Variants in FMNL2 observed in about 807,000 individuals in gnomAD.
FMNL2 encodes formin-like protein 2.
In FMNL2, 51 loss-of-function variants were observed where a neutral mutation model predicts 130.2. The ratio of observed to expected loss-of-function variants is 0.39; its 90% confidence interval spans 0.31 to 0.49. The LOEUF is 0.49. FMNL2 is among the 20% of genes least tolerant of loss of function. FMNL2 has a pLI of 0.85. For synonymous variants in FMNL2, 465 were observed against 467.1 expected, an observed-to-expected ratio of 1.00 and a Z score of 0.06; for missense variants, 977 against 1,316.2, an observed-to-expected ratio of 0.74 and a Z score of 3.99.
intron 1 of FMNL2, among the ~76,000 whole-genome samples, chr2:152,337,704 G>A (rs1681557536): frequency 6.6e-6 from 1 of 152,132 alleles, no homozygotes. Flanking sequence ...TTGGGGCAGG[G>A]TTGTTGTGGC....
At chr2:152,417,608 G>A (rs1434291442) in intron 1 of FMNL2, among the ~76,000 whole-genome samples, 1 of 152,104 alleles carries the variant, frequency 6.6e-6, no homozygotes, top group Non-Finnish European at 1.5e-5. Flanking sequence ...GGCTTTCGAG[G>A]CAAAAGATCA....
At chr2:152,608,635 A>G (rs1325062680) in intron 10 of FMNL2, among the ~76,000 whole-genome samples, 1 of 151,558 alleles carries the variant, frequency 6.6e-6, no homozygotes, top group Non-Finnish European at 1.5e-5. Context: ...ACTGACTTTT[A>G]AAATCTTGTT....
rs1312660616 is a variant in FMNL2, at chr2:152,616,139, G to C, written c.1213-952G>C. ...TGTAATGAATTTAAAGGAGATGTTAGAAATCAGAAGTTGCTCAGTGTTAGA... is the reference window on the plus strand; with the variant it reads ...TGTAATGAATTTAAAGGAGATGTTACAAATCAGAAGTTGCTCAGTGTTAGA... On this transcript the variant is annotated intron_variant, in intron 12 of 25. Transcript: ENST00000288670. Among the ~76,000 whole-genome samples the C allele has an allele frequency of 2.6e-5, 4 of 151,980 alleles. No individual in the cohort carries two copies. The East Asian group carries it at 7.7e-4, about 29-fold the overall frequency.
chr2:152,548,973 T>A (rs1249500356), intron 3 of FMNL2, 48 bp from the exon 4 acceptor site: 4 of 1,392,480 alleles, frequency 2.9e-6, no homozygotes, highest in Non-Finnish European at 3.0e-6. Context: ...GCTTCAGTTA[T>A]AGCAGTTGCT....
intron 1 of FMNL2, among the ~76,000 whole-genome samples, chr2:152,393,971 A>C (rs892504097): frequency 6.6e-6 from 1 of 152,196 alleles, no homozygotes; most frequent in Non-Finnish European, 1.5e-5. Flanking sequence ...AAATGTAAAA[A>C]CCATTCTTAG....
chr2:152,629,735 T>A lies in FMNL2; in HGVS notation c.2469+11T>A. 1 of 1,601,104 alleles carries A rather than the reference T, an allele frequency of 6.2e-7. No individual in the cohort carries two copies. Among genetic ancestry groups the A allele is most frequent in the East Asian group, 2.2e-5 (1 of 44,562 alleles). ...AAGAAAATTCTGGAGGCAAGTGCAG[T>A]TTTTCTTGTAGGTATGAAGGACTAC... On this transcript the variant is annotated intron_variant, in intron 19 of 25. Coordinates refer to ENST00000288670, the MANE Select transcript of FMNL2 (RefSeq NM_052905.4).
intron 15 of FMNL2, chr2:152,621,216 C>T (rs1483120538): frequency 4.5e-5 from 39 of 859,864 alleles, no homozygotes; most frequent in Non-Finnish European, 5.2e-5. Context: ...TCATTTGGGG[C>T]TGCTTCCTTT....
intron 1 of FMNL2, among the ~76,000 whole-genome samples, chr2:152,454,834 A>G (rs531559687): frequency 5.3e-5 from 8 of 152,372 alleles, no homozygotes; most frequent in Non-Finnish European, 1.0e-4. Context: ...AAGGGGCAAT[A>G]ACCTCAGAGA....
At chr2:152,529,611 C>T (rs568049180) in intron 2 of FMNL2, among the ~76,000 whole-genome samples, 2 of 152,244 alleles carry the variant, frequency 1.3e-5, no homozygotes, top group South Asian at 2.1e-4. Context: ...CAGATGCCAA[C>T]TCTTTGTATG....
chr2:152,587,575 T>G (rs1400113611), intron 9 of FMNL2, among the ~76,000 whole-genome samples: 3 of 152,252 alleles, frequency 2.0e-5, no homozygotes, highest in African/African-American at 4.8e-5. Flanking sequence ...CATGTGAATC[T>G]ACTATGGGCA....
chr2:152,364,261 GTTTTTTTTTTTT>G (rs869062341), intron 1 of FMNL2, among the ~76,000 whole-genome samples: 10 of 24,476 alleles, frequency 4.1e-4, no homozygotes, highest in African/African-American at 1.1e-3. Context: ...AGGTTTGTGT[GTTTTTTTTTTTT>G]TTTTTTTTTT....
chr2:152,521,173 G>T (rs1693064564), intron 1 of FMNL2, among the ~76,000 whole-genome samples: 1 of 152,126 alleles, frequency 6.6e-6, no homozygotes, highest in Non-Finnish European at 1.5e-5. Context: ...TCCAAACCTA[G>T]TATCTTAAAA....
intron 6 of FMNL2, among the ~76,000 whole-genome samples, chr2:152,566,920 G>T (rs561352467): frequency 6.6e-6 from 1 of 152,166 alleles, no homozygotes; most frequent in Non-Finnish European, 1.5e-5. Context: ...TGATCTGAGC[G>T]GAGGTTCAGT....
chr2:152,448,669 G>A (rs988482256), intron 1 of FMNL2, among the ~76,000 whole-genome samples: 1 of 152,172 alleles, frequency 6.6e-6, no homozygotes, highest in African/African-American at 2.4e-5. Context: ...AGCATTTGTT[G>A]AACTCCTATG....
chr2:152,646,003 A>G (rs1482874729), intron 25 of FMNL2, among the ~76,000 whole-genome samples: 1 of 152,102 alleles, frequency 6.6e-6, no homozygotes, highest in Non-Finnish European at 1.5e-5. Flanking sequence ...GGATTGGGGT[A>G]TGCAAAACTA....
At chr2:152,471,153 GA>G (rs57848148) in intron 1 of FMNL2, among the ~76,000 whole-genome samples, 18,077 of 137,694 alleles carry the variant, frequency 0.13, 1,265 homozygotes, top group East Asian at 0.29. Context: ...GTGATTTAAA[GA>G]AAAAAAAAAA....
intron 6 of FMNL2, among the ~76,000 whole-genome samples, chr2:152,574,402 C>T (rs1366745219): frequency 7.7e-5 from 11 of 142,700 alleles, no homozygotes; most frequent in African/African-American, 2.6e-4. Context: ...TGCCACTGCA[C>T]GCCAGCCTGG....
intron 1 of FMNL2, among the ~76,000 whole-genome samples, chr2:152,378,424 T>C (rs1401535217): frequency 6.6e-6 from 1 of 152,182 alleles, no homozygotes. Flanking sequence ...TAGATCCCAA[T>C]GTAGACTTAA....
intron 1 of FMNL2, among the ~76,000 whole-genome samples, chr2:152,483,430 A>C (rs1690641608): frequency 6.6e-6 from 1 of 152,204 alleles, no homozygotes; most frequent in Non-Finnish European, 1.5e-5. Context: ...TGTATTCAAG[A>C]GGTTTTTGAC....
Sources: gnomAD v4.1 joint callset for allele counts (sites outside exome capture counted in the v4.1 genomes callset) on GRCh38, gnomAD v4.1.1 for gene constraint, MANE v1.5 for transcripts, NCBI Gene and HGNC (gene_info 2026-07-23, HGNC 2026-07-21) for gene names.